Variants in SRRM4 observed in about 807,000 individuals in gnomAD.
SRRM4 encodes the protein serine/arginine repetitive matrix protein 4.
SRRM4 carries 33 observed loss-of-function variants against 68.9 expected under a neutral mutation model. The ratio of observed to expected loss-of-function variants is 0.48; its 90% CI spans 0.36 to 0.64. The LOEUF is 0.64. Among genes scored for constraint, SRRM4 ranks in the 30% least tolerant of loss-of-function variants. The probability of loss-of-function intolerance (pLI) is 0.00; values close to 1 mark genes in which losing one functional copy is unlikely to be tolerated. For synonymous variants in SRRM4, 318 were observed against 318.8 expected, an observed-to-expected ratio of 1.00 and a Z score of 0.03; for missense variants, 817 against 827.1, an observed-to-expected ratio of 0.99 and a Z score of 0.15.
At chr12:119,015,939 A>T (rs1953478364) in intron 1 of SRRM4, among the ~76,000 whole-genome samples, 1 of 152,130 alleles carries the variant, frequency 6.6e-6, no homozygotes, top group African/African-American at 2.4e-5. Context: ...TTGCATATTC[A>T]TGCCCACCAA....
chr12:119,086,450 C>T (rs1487195044), intron 1 of SRRM4, among the ~76,000 whole-genome samples: 1 of 152,124 alleles, frequency 6.6e-6, no homozygotes, highest in African/African-American at 2.4e-5. Flanking sequence ...ACCCCACCAG[C>T]CAAATAGGTA....
intron 1 of SRRM4, among the ~76,000 whole-genome samples, chr12:119,080,085 C>T (rs778320594): frequency 5.3e-5 from 8 of 152,070 alleles, no homozygotes; most frequent in Admixed American, 3.3e-4. Flanking sequence ...GCCTGGAAAA[C>T]GTGGGGTGTC....
In SRRM4 at chr12:119,019,960, C is replaced by G. The variant is rs141410480; in HGVS notation, c.131+37947C>G. On this transcript the variant is annotated intron_variant, in intron 1 of 12. Transcript: ENST00000267260. ...ACAGTTCCCCCCGCTCCCCCCCCCC[C>G]CAAAAAAAAATCACACACATGCAAC... 3.1e-3 allele frequency among the ~76,000 whole-genome samples: 244 copies of G among 78,070 alleles called. 3 individuals are homozygous for G. Among genetic ancestry groups the G allele is most frequent in the African/African-American group, 9.3e-3 (221 of 23,846 alleles). 51.2% of individuals were successfully genotyped at this position (78,070 alleles called of 152,430 possible).
intron 1 of SRRM4, among the ~76,000 whole-genome samples, chr12:119,053,173 G>A (rs1016288198): frequency 6.6e-6 from 1 of 152,126 alleles, no homozygotes; most frequent in African/African-American, 2.4e-5. Flanking sequence ...AGAGCCTGGG[G>A]CGAGTAGCAG....
intron 1 of SRRM4, among the ~76,000 whole-genome samples, chr12:119,088,661 C>A (rs1037769260): frequency 2.0e-4 from 28 of 139,504 alleles, no homozygotes; most frequent in African/African-American, 7.7e-4. Flanking sequence ...GAATTGATTC[C>A]TTTTGGGGGG....
At chr12:119,100,717 G>A (rs1049898189) in intron 1 of SRRM4, among the ~76,000 whole-genome samples, 2 of 152,222 alleles carry the variant, frequency 1.3e-5, no homozygotes, top group Admixed American at 1.3e-4. Context: ...GGCAAGCCTT[G>A]CTGGGTGTTA....
chr12:119,105,348 C>T (rs1349161953), intron 2 of SRRM4, among the ~76,000 whole-genome samples: 1 of 152,150 alleles, frequency 6.6e-6, no homozygotes, highest in African/African-American at 2.4e-5. Flanking sequence ...AATTGGATGG[C>T]TGCGTCAAAT....
At chr12:119,003,436 A>T (rs1953398152) in intron 1 of SRRM4, among the ~76,000 whole-genome samples, 4 of 151,846 alleles carry the variant, frequency 2.6e-5, no homozygotes, top group Admixed American at 2.6e-4. Context: ...AACTGCGTAG[A>T]TTGCTGTAAA....
intron 1 of SRRM4, among the ~76,000 whole-genome samples, chr12:119,031,816 TAATAG>T (rs1044448087): frequency 4.1e-4 from 62 of 152,320 alleles, no homozygotes; most frequent in African/African-American, 1.4e-3. Flanking sequence ...TTCAAAGTTT[TAATAG>T]AATAAAGATT....
intron 1 of SRRM4, among the ~76,000 whole-genome samples, chr12:118,988,051 T>G (rs930102400): frequency 1.3e-5 from 2 of 152,158 alleles, no homozygotes; most frequent in Non-Finnish European, 2.9e-5. Context: ...GTATTTTTCT[T>G]CTAGCTATTT....
At chr12:118,996,102 G>A (rs1397078613) in intron 1 of SRRM4, among the ~76,000 whole-genome samples, 2 of 152,202 alleles carry the variant, frequency 1.3e-5, no homozygotes, top group African/African-American at 4.8e-5. Flanking sequence ...CCACATTTAT[G>A]GTAAAGTGAG....
At chr12:119,048,270 A>G (rs1417248581) in intron 1 of SRRM4, among the ~76,000 whole-genome samples, 2 of 152,050 alleles carry the variant, frequency 1.3e-5, no homozygotes, top group East Asian at 1.9e-4. Flanking sequence ...GGTCTCCCTA[A>G]CCCAGTTCCA....
At chr12:119,062,756 T>C (rs917853005) in intron 1 of SRRM4, among the ~76,000 whole-genome samples, 5 of 152,238 alleles carry the variant, frequency 3.3e-5, no homozygotes, top group Non-Finnish European at 5.9e-5. Flanking sequence ...CCACCATCTA[T>C]GTATGGCTTG....
intron 1 of SRRM4, among the ~76,000 whole-genome samples, chr12:119,004,003 A>C (rs1440207776): frequency 6.6e-6 from 1 of 152,048 alleles, no homozygotes; most frequent in Non-Finnish European, 1.5e-5. Flanking sequence ...TCAGTTATTT[A>C]ATTAATAAAA....
intron 1 of SRRM4, among the ~76,000 whole-genome samples, chr12:119,037,357 G>A (rs1170120004): frequency 1.3e-5 from 2 of 152,164 alleles, no homozygotes; most frequent in Non-Finnish European, 2.9e-5. Context: ...CAGATTGCAG[G>A]GCCTTGTGGG....
At chr12:119,020,078 T>C (rs954087159) in intron 1 of SRRM4, among the ~76,000 whole-genome samples, 5 of 150,970 alleles carry the variant, frequency 3.3e-5, no homozygotes, top group African/African-American at 4.9e-5. Context: ...GTCAATGGAG[T>C]AGGGTAAACT....
intron 1 of SRRM4, among the ~76,000 whole-genome samples, chr12:119,097,999 C>G (rs1455271942): frequency 6.6e-6 from 1 of 152,204 alleles, no homozygotes; most frequent in Non-Finnish European, 1.5e-5. Context: ...GAATTATATT[C>G]TTATGTGTCT....
intron 1 of SRRM4, among the ~76,000 whole-genome samples, chr12:119,025,428 G>GTTTT (rs74903455): frequency 1.3e-5 from 2 of 148,484 alleles, no homozygotes; most frequent in African/African-American, 5.0e-5. Flanking sequence ...CATATATGGA[G>GTTTT]TTTTTTTTTT....
intron 1 of SRRM4, among the ~76,000 whole-genome samples, chr12:119,043,329 A>G (rs994170297): frequency 6.6e-6 from 1 of 152,080 alleles, no homozygotes; most frequent in African/African-American, 2.4e-5. Context: ...TCTAAGTGGG[A>G]GCTGAACAAT....
Sources: allele counts gnomAD v4.1 joint callset (sites outside exome capture counted in the v4.1 genomes callset), GRCh38; gene constraint gnomAD v4.1.1; transcripts MANE v1.5; gene names NCBI Gene and HGNC (gene_info 2026-07-23, HGNC 2026-07-21).